Variants in EDARADD observed in about 807,000 individuals in gnomAD.
EDARADD encodes ectodysplasin-A receptor-associated adapter protein.
A neutral mutation model predicts 25.6 loss-of-function variants in EDARADD; 20 were observed. The ratio of observed to expected loss-of-function variants is 0.78; its 90% CI spans 0.55 to 1.14. The LOEUF is 1.14. Among genes scored for constraint, EDARADD ranks in the 50% most tolerant of loss-of-function variants. The pLI is 0.00. For missense variants in EDARADD, 225 were observed against 270.1 expected (o/e 0.83, Z 1.17); for synonymous variants, 86 against 94.4 (o/e 0.91, Z 0.52).
intron 3 of EDARADD, among the ~76,000 whole-genome samples, chr1:236,352,793 A>G (rs1666932100): frequency 6.6e-6 from 1 of 152,198 alleles, no homozygotes; most frequent in Admixed American, 6.5e-5. Flanking sequence ...GGTTGCAGTG[A>G]GCCAAGATTG....
chr1:236,483,726 G>T lies in EDARADD; in HGVS notation c.*1077G>T. 1.3e-6 allele frequency: 2 copies of T among 1,528,530 alleles called. No homozygotes were observed. Among genetic ancestry groups the T allele is most frequent in the Non-Finnish European group, 1.8e-6 (2 of 1,103,868 alleles). 94.7% of individuals were successfully genotyped at this position (1,528,530 alleles called of 1,614,324 possible). Reference sequence around the variant, plus strand: ...GGAAGCCATGCCCATTGGAGCGGAGGTTTACCACAGCCTGAAGAATGTCAT... The same window carrying T: ...GGAAGCCATGCCCATTGGAGCGGAGTTTTACCACAGCCTGAAGAATGTCAT... On this transcript the variant is annotated 3_prime_UTR_variant, in exon 6 of 6. Transcript: ENST00000334232.
intron 2 of EDARADD, among the ~76,000 whole-genome samples, chr1:236,413,065 T>C (rs1657540028): frequency 6.6e-6 from 1 of 152,140 alleles, no homozygotes; most frequent in Non-Finnish European, 1.5e-5. Flanking sequence ...GGTTTCACCA[T>C]GTTGGCGAGG....
intron 1 of EDARADD, among the ~76,000 whole-genome samples, chr1:236,397,970 C>T (rs1667548830): frequency 6.6e-6 from 1 of 152,118 alleles, no homozygotes; most frequent in African/African-American, 2.4e-5. Context: ...GCTCGCTTTA[C>T]CCCAGACCAA....
intron 3 of EDARADD, among the ~76,000 whole-genome samples, chr1:236,416,790 G>T (rs1657650123): frequency 6.6e-6 from 1 of 152,104 alleles, no homozygotes; most frequent in South Asian, 2.1e-4. Context: ...CTTGATGTCT[G>T]CTAGCATTTT....
chr1:236,427,033 T>C (rs927055191), intron 3 of EDARADD, among the ~76,000 whole-genome samples: 11 of 152,188 alleles, frequency 7.2e-5, no homozygotes, highest in Non-Finnish European at 1.5e-4. Context: ...AGGCATGCGC[T>C]ACCACTCTTG....
intron 3 of EDARADD, among the ~76,000 whole-genome samples, chr1:236,358,038 AT>A (rs1667002159): frequency 6.6e-6 from 1 of 151,980 alleles, no homozygotes; most frequent in African/African-American, 2.4e-5. Flanking sequence ...CACCCGGCTA[AT>A]TTTGTATTTT....
chr1:236,395,525 G>A lies in EDARADD; in HGVS notation c.61+1020G>A. 1.3e-6 allele frequency: 2 copies of A among 1,534,828 alleles called. No individual in the cohort carries two copies. The highest frequency in any genetic ancestry group is 1.7e-6 in the Non-Finnish European group (2 of 1,145,182). ...CGCAGAGCCACGGTTTGCTCCAGGC[G>A]CGTCGGAACCGCAGGACTTTTCATC... On this transcript the variant is annotated intron_variant, in intron 1 of 5. Transcript: ENST00000334232. The surrounding 1 kb of genome is among the most constrained non-coding windows in gnomAD (Gnocchi z 6.9).
chr1:236,454,337 C>T (rs552311016), intron 4 of EDARADD, among the ~76,000 whole-genome samples: 3 of 152,274 alleles, frequency 2.0e-5, no homozygotes, highest in South Asian at 2.1e-4. Flanking sequence ...CGTGAGCCAC[C>T]GTGCCCGGCC....
At chr1:236,444,751 T>C (rs1658487242) in intron 4 of EDARADD, among the ~76,000 whole-genome samples, 1 of 152,204 alleles carries the variant, frequency 6.6e-6, no homozygotes, top group Non-Finnish European at 1.5e-5. Flanking sequence ...TCTATCACCA[T>C]GGTCACTGCA....
rs1300767291 is a variant in EDARADD at position 236,484,075 on chromosome 1, G to C, written c.*1426G>C. 1 of 1,578,494 alleles carries C rather than the reference G, an allele frequency of 6.3e-7. No homozygotes were observed. Among genetic ancestry groups the C allele is most frequent in the Non-Finnish European group, 8.7e-7 (1 of 1,149,122 alleles). On this transcript the variant is annotated 3_prime_UTR_variant, in exon 6 of 6. Transcript: ENST00000334232. This position sits in a 1 kb window ranked among gnomAD's most constrained non-coding sequence, Gnocchi z 4.1. ...TTTGACCAGGATGACTGGGGAGCTTGGCAGAAGTTCACGGCCAGTGCAGGA... is the reference window on the plus strand; with the variant it reads ...TTTGACCAGGATGACTGGGGAGCTTCGCAGAAGTTCACGGCCAGTGCAGGA...
rs1667487902 is a variant in EDARADD at position 236,395,034 on chromosome 1, G to A, written c.61+529G>A. Among the ~76,000 whole-genome samples the A allele has an allele frequency of 6.6e-6, 1 of 152,254 alleles. No homozygotes were observed. The highest frequency in any genetic ancestry group is 1.5e-5 in the Non-Finnish European group (1 of 68,046). ...TACCAGCGTGTGCCATCATGCAGCG[G>A]CAGAGCCTGCTTAAAGATCAGGAAA... On this transcript the variant is annotated intron_variant, in intron 1 of 5. Transcript: ENST00000334232. The surrounding 1 kb of genome is among the most constrained non-coding windows in gnomAD (Gnocchi z 6.9).
chr1:236,404,763 G>A (rs1262160469), intron 1 of EDARADD, among the ~76,000 whole-genome samples: 1 of 151,908 alleles, frequency 6.6e-6, no homozygotes, highest in East Asian at 1.9e-4. Flanking sequence ...TGATCACATC[G>A]CGGCACTCCA....
At chr1:236,465,914 T>A (rs1048207744) in intron 4 of EDARADD, among the ~76,000 whole-genome samples, 2 of 152,220 alleles carry the variant, frequency 1.3e-5, no homozygotes, top group Non-Finnish European at 2.9e-5. Flanking sequence ...TTTATCAACT[T>A]TCACAAGTAA....
At chr1:236,430,378 G>A (rs1658061093) in intron 4 of EDARADD, among the ~76,000 whole-genome samples, 1 of 152,170 alleles carries the variant, frequency 6.6e-6, no homozygotes, top group Non-Finnish European at 1.5e-5. Context: ...CTTCCTTGAA[G>A]ATAAAAGAAT....
At chr1:236,409,356 A>G (rs1374360123) in intron 2 of EDARADD, 82 bp downstream of exon 2, 1 of 1,152,758 alleles carries the variant, frequency 8.7e-7, no homozygotes, top group Non-Finnish European at 1.3e-6. Flanking sequence ...TTTATTACTC[A>G]GTATTTACAT....
At chr1:236,449,472 A>G (rs1395708863) in intron 4 of EDARADD, among the ~76,000 whole-genome samples, 2 of 152,198 alleles carry the variant, frequency 1.3e-5, no homozygotes, top group Non-Finnish European at 2.9e-5. Context: ...CATCCAGGGT[A>G]TTGTGTGTTT....
At chr1:236,399,996 C>T (rs904476732) in intron 1 of EDARADD, among the ~76,000 whole-genome samples, 1 of 152,208 alleles carries the variant, frequency 6.6e-6, no homozygotes, top group Non-Finnish European at 1.5e-5. Flanking sequence ...GCGCAGTACC[C>T]AGGACTAAAG....
At chr1:236,384,005 A>AAAAAT (rs1329482473) in intron 3 of EDARADD, among the ~76,000 whole-genome samples, 14 of 152,220 alleles carry the variant, frequency 9.2e-5, no homozygotes, top group East Asian at 5.8e-4. Context: ...CTTGTCTCAA[A>AAAAAT]AAAATAAAAT....
At chr1:236,444,447 G>T (rs1394571087) in intron 4 of EDARADD, among the ~76,000 whole-genome samples, 2 of 152,050 alleles carry the variant, frequency 1.3e-5, no homozygotes, top group Non-Finnish European at 2.9e-5. Context: ...TTGAAATGGA[G>T]TTTCACTTTT....
Sources: allele counts gnomAD v4.1 joint callset (sites outside exome capture counted in the v4.1 genomes callset), GRCh38; gene constraint gnomAD v4.1.1; non-coding constraint Gnocchi (gnomAD v3.1); transcripts MANE v1.5; gene names NCBI Gene and HGNC (gene_info 2026-07-23, HGNC 2026-07-21).